Variants in PCDHGB1 observed in about 807,000 individuals in gnomAD.
PCDHGB1 encodes the protein protocadherin gamma-B1.
PCDHGB1 carries 34 observed loss-of-function variants against 56.6 expected under a neutral mutation model. That is an observed-to-expected ratio of 0.60 (90% CI 0.46 to 0.80). The LOEUF (loss-of-function observed/expected upper bound fraction) is 0.80, where lower values mean the gene tolerates loss of function less well. Among genes scored for constraint, PCDHGB1 ranks in the 30% least tolerant of loss-of-function variants. The probability of loss-of-function intolerance (pLI) is 0.00; values close to 1 mark genes in which losing one functional copy is unlikely to be tolerated. For missense variants in PCDHGB1, 1,278 were observed against 1,204.6 expected (o/e 1.06, Z -0.90); for synonymous variants, 561 against 505.9 (o/e 1.11, Z -1.46).
chr5:141,372,827 T>C (rs1457588912), intron 1 of PCDHGB1: 7 of 1,550,888 alleles, frequency 4.5e-6, no homozygotes, highest in Non-Finnish European at 6.1e-6. Flanking sequence ...TCTTCAAACC[T>C]TTCCTTCCAT....
intron 1 of PCDHGB1, among the ~76,000 whole-genome samples, chr5:141,482,755 T>TGAAGTGGGAGAATTGCTTGAGCCTGGG (rs1554165462): frequency 6.3e-5 from 9 of 143,570 alleles, no homozygotes; most frequent in African/African-American, 1.4e-4. Context: ...GGGATTATGG[T>TGAAGTGGGAGAATTGCTTGAGCCTGGG]ATTTCATTAT....
At chr5:141,400,018 A>G in intron 1 of PCDHGB1, 2 of 1,612,648 alleles carry the variant, frequency 1.2e-6, no homozygotes, top group African/African-American at 1.3e-5. Context: ...CTTGGGCGAC[A>G]GGGACGCGGC....
At chr5:141,370,954 A>G (rs1326457567) in intron 1 of PCDHGB1, 2 of 1,613,992 alleles carry the variant, frequency 1.2e-6, no homozygotes, top group Non-Finnish European at 1.7e-6. Context: ...GAGAACCTGG[A>G]TGGCAGTAGG....
At chr5:141,423,444 A>C (rs1340932902) in intron 1 of PCDHGB1, 1 of 1,614,050 alleles carries the variant, frequency 6.2e-7, no homozygotes. Flanking sequence ...TGCCCACGTC[A>C]CATTTTGTAG....
chr5:141,410,420 C>T (rs1426515605), intron 1 of PCDHGB1: 4 of 1,613,926 alleles, frequency 2.5e-6, no homozygotes, highest in Non-Finnish European at 3.4e-6. Flanking sequence ...ACCTGTAGTT[C>T]CCCCCAACTA....
At chr5:141,422,458 C>T (rs375149811) in intron 1 of PCDHGB1, 264 of 1,613,148 alleles carry the variant, frequency 1.6e-4, no homozygotes, top group Non-Finnish European at 2.1e-4. Context: ...AAGCAGAGTG[C>T]TGGACAGGGA....
At chr5:141,355,609 C>T (rs372082461) in intron 1 of PCDHGB1, 1 of 1,613,990 alleles carries the variant, frequency 6.2e-7, no homozygotes, top group Non-Finnish European at 8.5e-7. Flanking sequence ...TGGGACAGAA[C>T]AGAGGGAAAT....
intron 1 of PCDHGB1, among the ~76,000 whole-genome samples, chr5:141,464,155 C>T (rs2099076990): frequency 1.3e-5 from 2 of 151,614 alleles, no homozygotes; most frequent in African/African-American, 4.8e-5. Flanking sequence ...GTCCCAGCTA[C>T]TTGGAAGGCT....
chr5:141,388,919 G>T, intron 1 of PCDHGB1: 1 of 1,613,998 alleles, frequency 6.2e-7, no homozygotes. Flanking sequence ...CCCCAGAAGT[G>T]ATATTCCAGT....
In PCDHGB1 at chr5:141,415,072, G is replaced by A. The variant is rs558067255; in HGVS notation, c.2409+62403G>A. On this transcript the variant is annotated intron_variant, in intron 1 of 3. Coordinates refer to ENST00000523390, the MANE Select transcript of PCDHGB1 (RefSeq NM_018922.3). ...GGAGCACACGGGCGAGGTGCGCACG[G>A]CGCGAGCCCTGCTGGACAGAGACGC... 6.2e-5 allele frequency: 100 copies of A among 1,613,418 alleles called. No individual in the cohort carries two copies. The East Asian group carries it at 2.0e-3, about 32-fold the overall frequency.
intron 1 of PCDHGB1, among the ~76,000 whole-genome samples, chr5:141,434,819 A>G (rs2097719619): frequency 6.6e-6 from 1 of 151,946 alleles, no homozygotes; most frequent in Admixed American, 6.6e-5. Flanking sequence ...TATATCCCTT[A>G]GTACACTTGG....
intron 1 of PCDHGB1, chr5:141,359,980 T>G: frequency 1.2e-6 from 1 of 851,316 alleles, no homozygotes; most frequent in Non-Finnish European, 1.7e-6. Flanking sequence ...GGGAGCCTCT[T>G]AGAGGGGAAC....
At chr5:141,392,921 A>T in intron 1 of PCDHGB1, 2 of 1,613,940 alleles carry the variant, frequency 1.2e-6, no homozygotes, top group Non-Finnish European at 1.7e-6. Flanking sequence ...ACTCTGTGCC[A>T]GAAGAGACGG....
At chr5:141,356,543 A>G (rs1760251301) in intron 1 of PCDHGB1, 2 of 1,614,090 alleles carry the variant, frequency 1.2e-6, no homozygotes, top group Non-Finnish European at 1.7e-6. Context: ...ATCAATGACA[A>G]CCCACCCACT....
intron 1 of PCDHGB1, among the ~76,000 whole-genome samples, chr5:141,381,033 C>G (rs191532708): frequency 2.0e-4 from 30 of 152,324 alleles, no homozygotes; most frequent in African/African-American, 7.2e-4. Flanking sequence ...TTCCTTTAAA[C>G]AAAATTTATC....
intron 1 of PCDHGB1, chr5:141,388,264 A>G (rs1054125491): frequency 1.3e-6 from 2 of 1,598,302 alleles, no homozygotes; most frequent in African/African-American, 2.9e-5. Context: ...GAGGACATTA[A>G]TGACCACACG....
intron 1 of PCDHGB1, chr5:141,355,640 A>G (rs373212603): frequency 6.2e-7 from 1 of 1,613,988 alleles, no homozygotes; most frequent in East Asian, 2.2e-5. Context: ...GAAAATGAAA[A>G]TCCTGGGGCA....
Position 141,418,806 on chromosome 5 carries a change from C to T in PCDHGB1, c.2409+66137C>T, listed in dbSNP as rs200530054. The T allele has an allele frequency of 3.0e-5, 49 of 1,613,694 alleles. No individual in the cohort carries two copies. In the African/African-American group the frequency reaches 5.9e-4, roughly 19 times the overall value. On this transcript the variant is annotated intron_variant, in intron 1 of 3. Transcript: ENST00000523390. ...GATTTTGAAGAAGTAGAAAGATATA[C>T]GATAAACATAGAAGCAAAAGACCGA...
At chr5:141,433,085 G>A in intron 1 of PCDHGB1, 1 of 1,614,170 alleles carries the variant, frequency 6.2e-7, no homozygotes, top group Non-Finnish European at 8.5e-7. Flanking sequence ...GCCCAACTAT[G>A]CAGACATGCT....
Sources: allele counts gnomAD v4.1 joint callset (sites outside exome capture counted in the v4.1 genomes callset), GRCh38; gene constraint gnomAD v4.1.1; transcripts MANE v1.5; gene names NCBI Gene and HGNC (gene_info 2026-07-23, HGNC 2026-07-21).